Variants in CUX1 observed in about 807,000 individuals in gnomAD.
CUX1 encodes the protein cut like homeobox 1.
Under a neutral mutation model 158.8 loss-of-function variants are expected in CUX1, and 31 were observed. The observed-to-expected ratio is 0.20, with a 90% CI of 0.15 to 0.26. The LOEUF is 0.26. Among genes scored for constraint, CUX1 ranks in the 10% least tolerant of loss-of-function variants. The probability of loss-of-function intolerance (pLI) is 1.00; values close to 1 mark genes in which losing one functional copy is unlikely to be tolerated. For synonymous variants in CUX1, 879 were observed against 862.1 expected (o/e 1.02, Z -0.34); for missense variants, 1,589 against 2,014.6 (o/e 0.79, Z 4.04).
At chr7:102,026,881 A>G (rs1445883186) in intron 2 of CUX1, among the ~76,000 whole-genome samples, 1 of 151,046 alleles carries the variant, frequency 6.6e-6, no homozygotes, top group Non-Finnish European at 1.5e-5. Flanking sequence ...TAAATAAGAT[A>G]TTATCTTAGT....
chr7:102,197,394 G>C (rs1005874652), intron 15 of CUX1, 89 bp downstream of exon 15: 1 of 1,407,082 alleles, frequency 7.1e-7, no homozygotes, highest in East Asian at 2.3e-5. Context: ...GTCTGTGTGC[G>C]TGATGAAACA....
chr7:101,913,627 CGGGGCTGGGACCCCACCTT>C (rs1803775685), intron 1 of CUX1, among the ~76,000 whole-genome samples: 1 of 152,050 alleles, frequency 6.6e-6, no homozygotes, highest in African/African-American at 2.4e-5. Flanking sequence ...AGTTGGGGGT[CGGGGCTGGGACCCCACCTT>C]CATACCTCCA....
chr7:102,201,582 T>C lies in CUX1; in HGVS notation c.2285T>C (p.Ile762Thr). 1 of 1,614,024 alleles carries C rather than the reference T, an allele frequency of 6.2e-7. No individual in the cohort carries two copies. Among genetic ancestry groups the C allele is most frequent in the Non-Finnish European group, 8.5e-7 (1 of 1,179,998 alleles). Residue 762 changes from isoleucine (I) to threonine (T), a missense_variant, in exon 18 of 24, where the codon ATC becomes ACC. By Grantham distance (89) the Ile-to-Thr change is moderately conservative (BLOSUM62 -1). This residue lies in a region of CUX1 where 337 missense variants were observed against 409.3 expected (regional missense o/e 0.82). Transcript: ENST00000292535. The surrounding 1 kb of genome is among the most constrained non-coding windows in gnomAD (Gnocchi z 5.0). ...GTGTCCAGCTACCCACCTCTCGCCA[T>C]CTCCCTGAAGAAGCCCTCCGCAGCT... ...PTVSSYPPLA[I>T]SLKKPSAAPE... is the part of the protein sequence containing the mutation.
chr7:101,851,457 T>C (rs753627135), intron 1 of CUX1, among the ~76,000 whole-genome samples: 1 of 152,152 alleles, frequency 6.6e-6, no homozygotes, highest in Non-Finnish European at 1.5e-5. Flanking sequence ...TTCTTCCTGG[T>C]TAACCTCTCA....
At chr7:101,859,438 A>G (rs1459647835) in intron 1 of CUX1, among the ~76,000 whole-genome samples, 1 of 152,206 alleles carries the variant, frequency 6.6e-6, no homozygotes, top group Non-Finnish European at 1.5e-5. Flanking sequence ...TTGATCATCA[A>G]GGAAGCTTGC....
chr7:102,139,797 G>A (rs2131380603), intron 8 of CUX1, among the ~76,000 whole-genome samples: 1 of 151,086 alleles, frequency 6.6e-6, no homozygotes, highest in Non-Finnish European at 1.5e-5. Flanking sequence ...TTCTACAGGG[G>A]CACACCAGCA....
intron 2 of CUX1, among the ~76,000 whole-genome samples, chr7:102,001,729 C>T (rs1816717466): frequency 6.6e-6 from 1 of 152,186 alleles, no homozygotes; most frequent in Non-Finnish European, 1.5e-5. Flanking sequence ...GGATGTTCCT[C>T]CTGGCCATGC....
rs184561322 is a variant in CUX1 at position 102,272,307 on chromosome 7, G to T, written c.1256-1059G>T. Among the ~76,000 whole-genome samples, 791 of 152,342 alleles carry T rather than the reference G, an allele frequency of 5.2e-3. 7 individuals are homozygous for T. The highest frequency in any genetic ancestry group is 0.018 in the African/African-American group (758 of 41,570). ...GTATGACAGCCGGTCAGCAGGCCGCGCAGTCAGGGATGAGTCCACGGAGGA... is the reference window on the plus strand; with the variant it reads ...GTATGACAGCCGGTCAGCAGGCCGCTCAGTCAGGGATGAGTCCACGGAGGA... On this transcript the variant is annotated intron_variant, in intron 14 of 22. Coordinates refer to the CUX1 transcript ENST00000292538.
chr7:102,253,023 G>A lies in CUX1; in HGVS notation c.*3981G>A, dbSNP rs1586454939. 1 of 985,464 alleles carries A rather than the reference G, an allele frequency of 1.0e-6. No homozygotes were observed. The highest frequency in any genetic ancestry group is 1.2e-6 in the Non-Finnish European group (1 of 829,946). The allele number at this position is 985,464 out of a possible 1,614,324, so 61.0% of individuals were successfully genotyped here. ...CCACCATCAAAACCTGCTACTTTGT[G>A]CAAGTAATTGAGGCAAAAGATACCA... On this transcript the variant is annotated 3_prime_UTR_variant, in exon 24 of 24. Coordinates refer to ENST00000292535, the MANE Select transcript of CUX1 (RefSeq NM_181552.4).
chr7:102,266,562 G>C (rs914315944), intron 14 of CUX1, among the ~76,000 whole-genome samples: 1 of 152,056 alleles, frequency 6.6e-6, no homozygotes, highest in East Asian at 1.9e-4. Context: ...ATGGCATCCC[G>C]CATGGCCAGA....
intron 2 of CUX1, among the ~76,000 whole-genome samples, chr7:101,919,511 A>C (rs1367125083): frequency 1.3e-5 from 2 of 152,210 alleles, no homozygotes; most frequent in Non-Finnish European, 2.9e-5. Flanking sequence ...CTATGGATGC[A>C]GCCCACGATC....
intron 1 of CUX1, among the ~76,000 whole-genome samples, chr7:101,842,419 G>T (rs185951337): frequency 2.0e-5 from 3 of 151,758 alleles, no homozygotes; most frequent in Non-Finnish European, 4.4e-5. Flanking sequence ...ACAGAGTCTC[G>T]CTGCATCACC....
At chr7:101,890,196 G>C (rs556112661) in intron 1 of CUX1, among the ~76,000 whole-genome samples, 1 of 152,198 alleles carries the variant, frequency 6.6e-6, no homozygotes, top group Non-Finnish European at 1.5e-5. Flanking sequence ...TGGGGTTGAC[G>C]GGGAGCCCTG....
intron 1 of CUX1, among the ~76,000 whole-genome samples, chr7:101,821,646 C>A (rs376707874): frequency 3.0e-5 from 3 of 101,392 alleles, no homozygotes; most frequent in South Asian, 6.6e-4. Context: ...CCCCTATTTT[C>A]TTTTCTTTTC....
intron 1 of CUX1, among the ~76,000 whole-genome samples, chr7:101,822,075 C>T (rs568781268): frequency 6.6e-6 from 1 of 151,914 alleles, no homozygotes; most frequent in South Asian, 2.1e-4. Context: ...AGGATGGTCT[C>T]GATCTCCTGA....
chr7:101,926,087 G>A (rs2129105261), intron 2 of CUX1, among the ~76,000 whole-genome samples: 1 of 152,270 alleles, frequency 6.6e-6, no homozygotes, highest in East Asian at 1.9e-4. Flanking sequence ...AAAGTATCTT[G>A]TGAATTTTCA....
Position 101,888,253 on chromosome 7 carries a change from C to T in CUX1, c.31-27862C>T, listed in dbSNP as rs975020010. ...GGCTGAGGCAGGAGAATCTCTTGAA[C>T]CCAGGAGACGGAGGTTGTAGTGAGC... is the stretch of plus-strand genomic sequence containing the variant. On this transcript the variant is annotated intron_variant, in intron 1 of 23. Coordinates refer to ENST00000292535, the MANE Select transcript of CUX1 (RefSeq NM_181552.4). 1.2e-4 allele frequency among the ~76,000 whole-genome samples: 19 copies of T among 152,166 alleles called. No individual in the cohort carries two copies. The East Asian group carries it at 3.3e-3, about 26-fold the overall frequency.
At chr7:102,041,191 GAGGT>G (rs1200273431) in intron 3 of CUX1, among the ~76,000 whole-genome samples, 2 of 150,190 alleles carry the variant, frequency 1.3e-5, no homozygotes, top group Non-Finnish European at 3.0e-5. Context: ...AGCTACTTGG[GAGGT>G]TGAAACAGGA....
chr7:101,943,936 T>C (rs1808039542), intron 2 of CUX1, among the ~76,000 whole-genome samples: 1 of 138,182 alleles, frequency 7.2e-6, no homozygotes, highest in African/African-American at 2.8e-5. Flanking sequence ...CTGGGCAACA[T>C]AGCGAGACCG....
Sources: allele counts gnomAD v4.1 joint callset (sites outside exome capture counted in the v4.1 genomes callset), GRCh38; gene constraint gnomAD v4.1.1; regional missense constraint gnomAD v4.1.1; non-coding constraint Gnocchi (gnomAD v3.1); transcripts MANE v1.5; gene names NCBI Gene and HGNC (gene_info 2026-07-23, HGNC 2026-07-21).